The following TMEM169 variants were observed in gnomAD, a reference collection of about 807,000 sequenced individuals.
TMEM169 encodes transmembrane protein 169.
In TMEM169, 18 loss-of-function variants were observed where a neutral mutation model predicts 27.3. The ratio of observed to expected loss-of-function variants is 0.66; its 90% CI spans 0.46 to 0.98. The LOEUF is 0.98. Among genes scored for constraint, TMEM169 ranks in the 50% least tolerant of loss-of-function variants. TMEM169 has a pLI of 0.00. For missense variants in TMEM169, 320 were observed against 368.6 expected, an observed-to-expected ratio of 0.87 and a Z score of 1.08; for synonymous variants, 136 against 142.1, an observed-to-expected ratio of 0.96 and a Z score of 0.30.
chr2:216,083,448 G>A (rs917338718), intron 1 of TMEM169, among the ~76,000 whole-genome samples: 1 of 151,958 alleles, frequency 6.6e-6, no homozygotes, highest in African/African-American at 2.4e-5. Context: ...TTGTGGGTGG[G>A]GACACTTTAA....
intron 1 of TMEM169, among the ~76,000 whole-genome samples, chr2:216,084,364 G>A (rs1199223755): frequency 6.6e-6 from 1 of 152,134 alleles, no homozygotes; most frequent in Non-Finnish European, 1.5e-5. Context: ...CCATAACAAG[G>A]CATATAAAGG....
chr2:216,082,052 AAAG>A (rs1359645304), intron 1 of TMEM169, 73 bp downstream of exon 1: 577 of 342,180 alleles, frequency 1.7e-3, no homozygotes, highest in Non-Finnish European at 2.5e-3. Context: ...AAAAAAAAAA[AAAG>A]AAGAAGAAAG....
chr2:216,093,126 G>GT (rs1491333270), intron 1 of TMEM169, among the ~76,000 whole-genome samples: 6 of 2,146 alleles, frequency 2.8e-3, no homozygotes, highest in African/African-American at 0.013. Flanking sequence ...TAATAATGAA[G>GT]TGTGTGTGTG....
chr2:216,086,007 C>G (rs1422058798), intron 1 of TMEM169, among the ~76,000 whole-genome samples: 1 of 151,912 alleles, frequency 6.6e-6, no homozygotes, highest in Non-Finnish European at 1.5e-5. Flanking sequence ...CTACAATGAC[C>G]AAGAGTACAG....
intron 1 of TMEM169, among the ~76,000 whole-genome samples, chr2:216,094,084 G>C (rs1696203973): frequency 6.6e-6 from 1 of 152,178 alleles, no homozygotes; most frequent in South Asian, 2.1e-4. Flanking sequence ...GTAAAATAAG[G>C]CTCAGAGAGC....
intron 1 of TMEM169, among the ~76,000 whole-genome samples, chr2:216,089,665 G>A (rs1696083070): frequency 6.6e-6 from 1 of 152,098 alleles, no homozygotes; most frequent in African/African-American, 2.4e-5. Flanking sequence ...TGTTGGCCAG[G>A]CTGGTCTTGA....
At chr2:216,085,894 A>G (rs1451482853) in intron 1 of TMEM169, among the ~76,000 whole-genome samples, 2 of 152,024 alleles carry the variant, frequency 1.3e-5, no homozygotes, top group Admixed American at 6.6e-5. Flanking sequence ...CAAAAACAAA[A>G]AAAGAATTAT....
intron 1 of TMEM169, among the ~76,000 whole-genome samples, chr2:216,092,052 C>G (rs1696145651): frequency 6.6e-6 from 1 of 152,150 alleles, no homozygotes; most frequent in Non-Finnish European, 1.5e-5. Flanking sequence ...AAATAGCCCC[C>G]CTAAGGTGAA....
chr2:216,096,265 C>T (rs201188491), intron 2 of TMEM169, 31 bp downstream of exon 2: 66 of 1,592,226 alleles, frequency 4.1e-5, no homozygotes, highest in Non-Finnish European at 5.3e-5. Context: ...TGTTTAAAGC[C>T]ATGGGAAGGA....
At position 216,095,109 on chromosome 2, in the gene TMEM169, C is replaced by CTTTTTTTTTT. The variant is rs71047975; in HGVS notation, c.-126-724_-126-715dup. On this transcript the variant is annotated intron_variant, in intron 1 of 2. Coordinates refer to ENST00000437356, the MANE Select transcript of TMEM169 (RefSeq NM_001142311.2). ...AGCCACCTATGGTTCTTTTTTCTTTCTTTTTTTTTTTTTTGACAGAGTCTC... is the reference window on the plus strand; with the variant it reads ...AGCCACCTATGGTTCTTTTTTCTTTCTTTTTTTTTTTTTTTTTTTTTTTTGACAGAGTCTC... Among the ~76,000 whole-genome samples, 42 of 110,470 alleles carry CTTTTTTTTTT rather than the reference C, an allele frequency of 3.8e-4. 4 individuals carry two copies. The highest frequency in any genetic ancestry group is 7.7e-4 in the African/African-American group (19 of 24,530). The allele number at this position is 110,470 out of a possible 152,430, so 72.5% of individuals were successfully genotyped here. A position where few individuals can be genotyped will look rare whatever the true frequency, so the allele number is the denominator to read the frequency against.
Position 216,095,915 on chromosome 2 carries a change from T to C in TMEM169, c.-49T>C. ...TGTGATGTGTGAACTGTGAGTTTACTCAAACAAGTCCAACTCTTTATAAGA... is the reference window on the plus strand; with the variant it reads ...TGTGATGTGTGAACTGTGAGTTTACCCAAACAAGTCCAACTCTTTATAAGA... On this transcript the variant is annotated 5_prime_UTR_variant, in exon 2 of 3. Transcript: ENST00000437356. The C allele has an allele frequency of 6.4e-7, 1 of 1,564,380 alleles. No homozygotes were observed. Among genetic ancestry groups the C allele is most frequent in the East Asian group, 2.3e-5 (1 of 44,366 alleles).
intron 1 of TMEM169, 138 bp from the exon 2 acceptor site, chr2:216,095,700 G>C (rs1235229142): frequency 4.9e-6 from 2 of 410,468 alleles, no homozygotes; most frequent in Admixed American, 4.0e-5. Flanking sequence ...AAGAGATTTA[G>C]ATTGCATTCC....
chr2:216,091,165 T>A (rs1023704896), intron 1 of TMEM169, among the ~76,000 whole-genome samples: 1 of 152,132 alleles, frequency 6.6e-6, no homozygotes, highest in Non-Finnish European at 1.5e-5. Flanking sequence ...TGGTTTGTTT[T>A]CCCCCCAAAT....
Position 216,100,367 on chromosome 2 carries a change from C to G in TMEM169, c.719C>G (p.Ala240Gly). 1 of 1,614,024 alleles carries G rather than the reference C, an allele frequency of 6.2e-7. No homozygotes were observed. Among genetic ancestry groups the G allele is most frequent in the Non-Finnish European group, 8.5e-7 (1 of 1,180,004 alleles). Residue 240 changes from alanine to glycine, a missense_variant, in exon 3 of 3, where the codon GCA becomes GGA. Physicochemically the swap from Ala to Gly is moderately conservative, Grantham distance 60 (BLOSUM62 0). Transcript: ENST00000437356. ...GTCCAGCTCTCGTGGTCCTGGGAAG[C>G]ATGGTGGCAAGCTGCCCGGGACATG... is the stretch of plus-strand genomic sequence containing the variant. Reference protein sequence around the residue: ...AVVQLSWSWEAWWQAARDMEK... With the variant: ...AVVQLSWSWEGWWQAARDMEK...
chr2:216,097,298 G>A (rs1696284763), intron 2 of TMEM169, among the ~76,000 whole-genome samples: 2 of 150,750 alleles, frequency 1.3e-5, no homozygotes, highest in Non-Finnish European at 2.9e-5. Flanking sequence ...CACTTTGTGA[G>A]GCCAAGGCAG....
At position 216,100,506 on chromosome 2, in the gene TMEM169, G is replaced by C. The variant is rs768984281; in HGVS notation, c.858G>C (p.Lys286Asn). ...ATATCTCAAGCACTCTCTCCAACAA[G>C]GACCCCATCCAAGAAGTAGAAACCT... ...SDNISSTLSN[K>N]DPIQEVETST... Residue 286 changes from lysine (K) to asparagine (N), a missense_variant, in exon 3 of 3, where the codon AAG becomes AAC. By Grantham distance (94) the Lys-to-Asn change is moderately conservative. Transcript: ENST00000437356. 1.2e-6 allele frequency: 2 copies of C among 1,614,030 alleles called. No homozygotes were observed. Among genetic ancestry groups the C allele is most frequent in the Non-Finnish European group, 1.7e-6 (2 of 1,180,020 alleles).
At chr2:216,083,910 A>G (rs1695935201) in intron 1 of TMEM169, among the ~76,000 whole-genome samples, 1 of 152,158 alleles carries the variant, frequency 6.6e-6, no homozygotes, top group Non-Finnish European at 1.5e-5. Flanking sequence ...AGAGCAATAG[A>G]TCTGCTGCTT....
intron 1 of TMEM169, among the ~76,000 whole-genome samples, chr2:216,093,055 TATAC>T (rs1696172093): frequency 6.6e-6 from 1 of 151,970 alleles, no homozygotes; most frequent in Admixed American, 6.6e-5. Context: ...TGTATATAAA[TATAC>T]ATATGTATAA....
chr2:216,098,397 GGA>G (rs1234597818), intron 2 of TMEM169, among the ~76,000 whole-genome samples: 1 of 152,124 alleles, frequency 6.6e-6, no homozygotes, highest in Non-Finnish European at 1.5e-5. Context: ...AGGGAGTGAG[GGA>G]AAGAGAGGAA....
Sources: allele counts gnomAD v4.1 joint callset (sites outside exome capture counted in the v4.1 genomes callset), GRCh38; gene constraint gnomAD v4.1.1; transcripts MANE v1.5; gene names NCBI Gene and HGNC (gene_info 2026-07-23, HGNC 2026-07-21).